The following AZIN2 variants were observed in gnomAD, a reference collection of about 807,000 sequenced individuals.
AZIN2 encodes ODC antizyme inhibitor-2.
A neutral mutation model predicts 47.8 loss-of-function variants in AZIN2; 28 were observed. The ratio of observed to expected loss-of-function variants is 0.59; its 90% CI spans 0.43 to 0.80. AZIN2 has a LOEUF of 0.80. Ranked by LOEUF, AZIN2 falls within the 30% of genes least tolerant of loss-of-function variation. The probability of loss-of-function intolerance (pLI) is 0.00; values close to 1 mark genes in which losing one functional copy is unlikely to be tolerated. For synonymous variants in AZIN2, 221 were observed against 239.4 expected (o/e 0.92, Z 0.71); for missense variants, 535 against 582.5 (o/e 0.92, Z 0.84).
the AZIN2 span, among the ~76,000 whole-genome samples, chr1:33,157,686 G>A: frequency 2.0e-3 from 306 of 152,046 alleles, 2 homozygotes; most frequent in Non-Finnish European, 3.2e-3. Flanking sequence ...AGGAGTCTAT[G>A]AAGTGTCCAG....
chr1:33,156,835 T>A, the AZIN2 span, among the ~76,000 whole-genome samples: 1 of 152,018 alleles, frequency 6.6e-6, no homozygotes, highest in Non-Finnish European at 1.5e-5. Context: ...ATAATTACTA[T>A]CTCCCTCGTC....
At chr1:33,152,614 C>G in the AZIN2 span, among the ~76,000 whole-genome samples, 3 of 150,990 alleles carry the variant, frequency 2.0e-5, no homozygotes, top group Non-Finnish European at 4.4e-5. Flanking sequence ...TCTGTCGATT[C>G]ATGATGATAA....
At chr1:33,110,475 A>G (rs1326489393) in intron 10 of AZIN2, among the ~76,000 whole-genome samples, 1 of 152,216 alleles carries the variant, frequency 6.6e-6, no homozygotes, top group African/African-American at 2.4e-5. Flanking sequence ...ATTCTTTTAC[A>G]ATGTTTGAAG....
At chr1:33,134,375 A>G in the AZIN2 span, among the ~76,000 whole-genome samples, 2 of 152,260 alleles carry the variant, frequency 1.3e-5, no homozygotes, top group African/African-American at 2.4e-5. Flanking sequence ...AATTAAGTGC[A>G]GGTGGACTCT....
chr1:33,151,356 C>A, the AZIN2 span, among the ~76,000 whole-genome samples: 2 of 152,072 alleles, frequency 1.3e-5, no homozygotes, highest in Non-Finnish European at 2.9e-5. Context: ...GACTTCTATA[C>A]CCCAAGGGGT....
chr1:33,138,626 C>CA, the AZIN2 span, among the ~76,000 whole-genome samples: 3,103 of 66,150 alleles, frequency 0.047, 33 homozygotes, highest in Middle Eastern at 0.082. Context: ...ACAACAACAA[C>CA]AAAAAAAAAA....
rs1424715654 is a variant in AZIN2 at position 33,092,191 on chromosome 1, G to A, written c.421G>A (p.Ala141Thr). The change falls in exon 6 of 12, where the codon GCA becomes ACA. Residue 141 changes from alanine (A) to threonine (T), a missense_variant. Ala to Thr is a moderately conservative substitution (Grantham distance 58). Coordinates refer to ENST00000294517, the MANE Select transcript of AZIN2 (RefSeq NM_052998.4). Reference protein sequence around the residue: ...LLSFDNEMELAKVVKSHPSAK... With the variant: ...LLSFDNEMELTKVVKSHPSAK... ...GAGCTTTGACAATGAGATGGAGCTGGCAAAGGTGGTAAAGAGCCACCCCAG... is the reference window on the plus strand; with the variant it reads ...GAGCTTTGACAATGAGATGGAGCTGACAAAGGTGGTAAAGAGCCACCCCAG... 6.2e-7 allele frequency: 1 copy of A among 1,614,170 alleles called. No homozygotes were observed. The highest frequency in any genetic ancestry group is 1.1e-5 in the South Asian group (1 of 91,088).
the AZIN2 span, among the ~76,000 whole-genome samples, chr1:33,150,392 G>A: frequency 2.6e-5 from 4 of 152,230 alleles, no homozygotes; most frequent in Non-Finnish European, 5.9e-5. Context: ...GCCAGTCCCT[G>A]AACTGTGCCT....
Position 33,085,699 on chromosome 1 carries a change from G to C in AZIN2, c.279+1572G>C, listed in dbSNP as rs371077717. 5.9e-5 allele frequency among the ~76,000 whole-genome samples: 9 copies of C among 152,278 alleles called. No homozygotes were observed. The East Asian group carries it at 1.5e-3, about 26-fold the overall frequency. ...AATGAGCAGGTTAACCTGTAGCAGG[G>C]ACCGAATGTTAATGCCTTTCATGGT... On this transcript the variant is annotated intron_variant, in intron 5 of 11. Coordinates refer to ENST00000294517, the MANE Select transcript of AZIN2 (RefSeq NM_052998.4).
chr1:33,145,050 G>A, the AZIN2 span, among the ~76,000 whole-genome samples: 1 of 152,234 alleles, frequency 6.6e-6, no homozygotes, highest in South Asian at 2.1e-4. Flanking sequence ...GCCTGGATTT[G>A]AGCTGAGGTC....
At chr1:33,104,094 G>A (rs988749291) in intron 10 of AZIN2, among the ~76,000 whole-genome samples, 2 of 152,086 alleles carry the variant, frequency 1.3e-5, no homozygotes, top group South Asian at 2.1e-4. Context: ...TGTTGGTCAG[G>A]TTGGTCTTGA....
intron 10 of AZIN2, among the ~76,000 whole-genome samples, chr1:33,115,839 T>A (rs1278544989): frequency 6.6e-6 from 1 of 152,232 alleles, no homozygotes; most frequent in Non-Finnish European, 1.5e-5. Flanking sequence ...TAACTTCTTA[T>A]AATCCAAGGG....
At chr1:33,147,600 A>G in the AZIN2 span, 2 of 1,614,080 alleles carry the variant, frequency 1.2e-6, no homozygotes, top group East Asian at 2.2e-5. This position sits in a 1 kb window ranked among gnomAD's most constrained non-coding sequence, Gnocchi z 8.1. Flanking sequence ...ACACCTCCAC[A>G]TCGAAGCGCT....
the AZIN2 span, among the ~76,000 whole-genome samples, chr1:33,136,257 TTTTC>T: frequency 9.3e-5 from 14 of 151,270 alleles, no homozygotes; most frequent in South Asian, 2.1e-4. Context: ...CTCTCTTTCT[TTTTC>T]TTTCTCTCTT....
intron 10 of AZIN2, 105 bp downstream of exon 10, chr1:33,098,284 G>A (rs1643371623): frequency 2.5e-6 from 2 of 794,914 alleles, no homozygotes; most frequent in Non-Finnish European, 3.9e-6. Flanking sequence ...ATTTATTGTC[G>A]ATAATAGACA....
At chr1:33,147,153 G>A in the AZIN2 span, 1 of 1,606,964 alleles carries the variant, frequency 6.2e-7, no homozygotes, top group South Asian at 1.1e-5. The surrounding 1 kb of genome is among the most constrained non-coding windows in gnomAD (Gnocchi z 8.1). Context: ...GGTCCCAGGA[G>A]GTTGTGGTCT....
chr1:33,105,826 G>C (rs1643976418), intron 10 of AZIN2, among the ~76,000 whole-genome samples: 1 of 152,196 alleles, frequency 6.6e-6, no homozygotes, highest in African/African-American at 2.4e-5. Context: ...GAATCAAGAG[G>C]AGGCAAGTAT....
chr1:33,112,063 G>A (rs1487820263), intron 10 of AZIN2, among the ~76,000 whole-genome samples: 1 of 152,134 alleles, frequency 6.6e-6, no homozygotes, highest in Non-Finnish European at 1.5e-5. Context: ...AAATAAAAGT[G>A]AAAACGAGAT....
At chr1:33,097,687 T>G (rs908485237) in intron 9 of AZIN2, among the ~76,000 whole-genome samples, 1 of 152,210 alleles carries the variant, frequency 6.6e-6, no homozygotes, top group Non-Finnish European at 1.5e-5. Context: ...TCCCGTCTGA[T>G]CCAATCAAGA....
Sources: gnomAD v4.1 joint callset for allele counts (sites outside exome capture counted in the v4.1 genomes callset) on GRCh38, gnomAD v4.1.1 for gene constraint, Gnocchi (gnomAD v3.1) non-coding constraint, MANE v1.5 for transcripts, NCBI Gene and HGNC (gene_info 2026-07-23, HGNC 2026-07-21) for gene names.